ASIC2: variants seen among roughly 807,000 people sequenced by gnomAD.
ASIC2 encodes the protein acid-sensing ion channel 2.
Under a neutral mutation model 57.3 loss-of-function variants are expected in ASIC2, and 25 were observed. That is an observed-to-expected ratio of 0.44 (90% CI 0.32 to 0.61). ASIC2 has a LOEUF of 0.61. ASIC2 is among the 20% of genes least tolerant of loss of function. The pLI, the probability that ASIC2 is intolerant of heterozygous loss-of-function variation, is 0.06. For missense variants in ASIC2, 641 were observed against 738.1 expected, an observed-to-expected ratio of 0.87 and a Z score of 1.52; for synonymous variants, 319 against 307.5, an observed-to-expected ratio of 1.04 and a Z score of -0.39.
chr17:33,282,142 A>T (rs1270851617), intron 1 of ASIC2, among the ~76,000 whole-genome samples: 1 of 152,264 alleles, frequency 6.6e-6, no homozygotes, highest in Non-Finnish European at 1.5e-5. Context: ...TGTTTTGTAC[A>T]TCAGAAACAA....
chr17:33,366,171 C>A (rs1908802371), intron 1 of ASIC2, among the ~76,000 whole-genome samples: 1 of 152,218 alleles, frequency 6.6e-6, no homozygotes, highest in Non-Finnish European at 1.5e-5. Flanking sequence ...GGCACAAGGT[C>A]AAATTCATCA....
At chr17:33,663,234 G>T (rs1907351656) in intron 1 of ASIC2, among the ~76,000 whole-genome samples, 1 of 152,294 alleles carries the variant, frequency 6.6e-6, no homozygotes, top group East Asian at 1.9e-4. Context: ...CAGGTAATGG[G>T]GGAATGTGAG....
At chr17:33,814,947 G>C (rs1192119864) in intron 1 of ASIC2, among the ~76,000 whole-genome samples, 3 of 152,122 alleles carry the variant, frequency 2.0e-5, no homozygotes, top group Non-Finnish European at 4.4e-5. Context: ...GTTGAAATGG[G>C]AAAAAAGTGC....
At chr17:33,539,102 G>A (rs1208464934) in intron 1 of ASIC2, among the ~76,000 whole-genome samples, 1 of 152,182 alleles carries the variant, frequency 6.6e-6, no homozygotes, top group Non-Finnish European at 1.5e-5. Context: ...GTCTGAGAAA[G>A]GGTGACTATT....
chr17:33,343,543 G>A (rs1597691223), intron 1 of ASIC2, among the ~76,000 whole-genome samples: 1 of 152,118 alleles, frequency 6.6e-6, no homozygotes, highest in Admixed American at 6.5e-5. Context: ...CCCTGACATG[G>A]GGGGAGTCTA....
intron 1 of ASIC2, among the ~76,000 whole-genome samples, chr17:33,298,550 A>G (rs1038990094): frequency 7.9e-5 from 12 of 152,224 alleles, no homozygotes; most frequent in Admixed American, 1.3e-4. Context: ...TAGTGCCGCA[A>G]TAAACATACG....
chr17:33,788,871 G>A (rs1480431485), intron 1 of ASIC2, among the ~76,000 whole-genome samples: 1 of 152,158 alleles, frequency 6.6e-6, no homozygotes, highest in Non-Finnish European at 1.5e-5. Context: ...TAGATGTAGA[G>A]AGGGGAACAA....
intron 1 of ASIC2, among the ~76,000 whole-genome samples, chr17:34,119,634 C>T (rs1567828860): frequency 6.6e-6 from 1 of 150,798 alleles, no homozygotes; most frequent in Non-Finnish European, 1.5e-5. Flanking sequence ...CACACACACA[C>T]ACACACAAAC....
At chr17:33,553,792 T>C (rs1414609471) in intron 1 of ASIC2, among the ~76,000 whole-genome samples, 2 of 152,196 alleles carry the variant, frequency 1.3e-5, no homozygotes, top group African/African-American at 4.8e-5. Flanking sequence ...ATTTTGGTGA[T>C]GGAGAAGCTT....
Position 33,945,980 on chromosome 17 carries a change from C to T in ASIC2, c.555+209998G>A, listed in dbSNP as rs1172574622. On this transcript the variant is annotated intron_variant, in intron 1 of 9. Transcript: ENST00000359872. Reference sequence around the variant, plus strand: ...CCATTTGTGGTGCTTAGGAGGCATCCTCCAGCATGCAAGATGAAAGTCAGA... The same window carrying T: ...CCATTTGTGGTGCTTAGGAGGCATCTTCCAGCATGCAAGATGAAAGTCAGA... 2.6e-5 allele frequency among the ~76,000 whole-genome samples: 4 copies of T among 152,166 alleles called. No homozygotes were observed. In the East Asian group the frequency reaches 7.7e-4, roughly 29 times the overall value.
intron 2 of ASIC2, among the ~76,000 whole-genome samples, chr17:33,091,873 A>G (rs1269536454): frequency 6.6e-6 from 1 of 152,220 alleles, no homozygotes. Context: ...GGTAGGTGCC[A>G]GTTATGAAAG....
At chr17:33,943,035 T>C (rs1461435589) in intron 1 of ASIC2, among the ~76,000 whole-genome samples, 2 of 152,220 alleles carry the variant, frequency 1.3e-5, no homozygotes, top group Non-Finnish European at 2.9e-5. Context: ...TTTAATCTCA[T>C]GCAACTATGA....
intron 1 of ASIC2, among the ~76,000 whole-genome samples, chr17:34,051,941 G>T (rs1322190469): frequency 1.3e-5 from 2 of 151,904 alleles, no homozygotes; most frequent in Non-Finnish European, 2.9e-5. Flanking sequence ...CATTAAATTT[G>T]AAGAACATCT....
chr17:33,925,107 G>C (rs764275399), intron 1 of ASIC2, among the ~76,000 whole-genome samples: 3 of 152,198 alleles, frequency 2.0e-5, no homozygotes, highest in Non-Finnish European at 4.4e-5. Context: ...TGATGCCTCA[G>C]GCCTTTCCAG....
chr17:33,337,555 G>A (rs1037124585), intron 1 of ASIC2, among the ~76,000 whole-genome samples: 2 of 152,210 alleles, frequency 1.3e-5, no homozygotes, highest in African/African-American at 4.8e-5. Context: ...AATGCTTTTA[G>A]CATTCTTGTA....
At chr17:33,853,196 T>G (rs566877702) in intron 1 of ASIC2, among the ~76,000 whole-genome samples, 4 of 152,280 alleles carry the variant, frequency 2.6e-5, no homozygotes, top group Non-Finnish European at 4.4e-5. Context: ...TAGGACTTTG[T>G]TAGACACCCT....
chr17:33,835,768 G>T (rs529165112), intron 1 of ASIC2, among the ~76,000 whole-genome samples: 1 of 151,942 alleles, frequency 6.6e-6, no homozygotes, highest in East Asian at 1.9e-4. Context: ...CTATTTTCCA[G>T]GTCCTGTATA....
chr17:33,318,209 C>T (rs539133530), intron 1 of ASIC2, among the ~76,000 whole-genome samples: 116 of 152,280 alleles, frequency 7.6e-4, no homozygotes, highest in South Asian at 1.5e-3. Flanking sequence ...CCTTCCTTCC[C>T]ATTTCCAGAC....
At chr17:33,827,495 C>T (rs190793757) in intron 1 of ASIC2, among the ~76,000 whole-genome samples, 980 of 94,180 alleles carry the variant, frequency 0.01, 13 homozygotes, top group African/African-American at 0.041. Flanking sequence ...CCATGCCTGG[C>T]TATTTTTTGT....
Sources: allele counts gnomAD v4.1 joint callset (sites outside exome capture counted in the v4.1 genomes callset), GRCh38; gene constraint gnomAD v4.1.1; transcripts MANE v1.5; gene names NCBI Gene and HGNC (gene_info 2026-07-23, HGNC 2026-07-21).